The following PSEN1 variants were observed in gnomAD, a reference collection of about 807,000 sequenced individuals.
PSEN1 encodes presenilin-1.
A neutral mutation model predicts 53.5 loss-of-function variants in PSEN1; 15 were observed. The observed-to-expected ratio is 0.28, with a 90% CI of 0.19 to 0.43. The LOEUF is 0.43. Ranked by LOEUF, PSEN1 falls within the 20% of genes least tolerant of loss-of-function variation. The pLI, the probability that PSEN1 is intolerant of heterozygous loss-of-function variation, is 1.00. For synonymous variants in PSEN1, 208 were observed against 209.8 expected, an observed-to-expected ratio of 0.99 and a Z score of 0.08; for missense variants, 387 against 571.2, an observed-to-expected ratio of 0.68 and a Z score of 3.29.
chr14:73,186,998 C>A (rs745897387), intron 6 of PSEN1, 78 bp downstream of exon 6: 1 of 1,157,688 alleles, frequency 8.6e-7, no homozygotes, highest in Non-Finnish European at 1.3e-6. Flanking sequence ...AAGCCATGTA[C>A]TTTGTTGATG....
chr14:73,188,008 A>C (rs1261145340), intron 6 of PSEN1, among the ~76,000 whole-genome samples: 1 of 151,948 alleles, frequency 6.6e-6, no homozygotes, highest in Non-Finnish European at 1.5e-5. Context: ...GGCTCACTGC[A>C]ACCCCCACCT....
intron 5 of PSEN1, among the ~76,000 whole-genome samples, chr14:73,182,553 T>C (rs1164901190): frequency 2.0e-5 from 3 of 151,498 alleles, no homozygotes; most frequent in Non-Finnish European, 2.9e-5. Context: ...GTTAAAAAAA[T>C]TAAAATTAGG....
In PSEN1 at chr14:73,148,112, G is replaced by A. The variant is rs1174226436; in HGVS notation, c.87+6G>A. The A allele has an allele frequency of 1.2e-6, 2 of 1,608,798 alleles. No homozygotes were observed. Among genetic ancestry groups the A allele is most frequent in the Admixed American group, 1.7e-5 (1 of 59,872 alleles). ...GCAATACTGTACGTAGCCAGGTACA[G>A]TGTCAGTCTCTGAAACTGCCTTTGC... is the stretch of plus-strand genomic sequence containing the variant. On this transcript the variant is annotated splice_donor_region_variant and intron_variant, in intron 3 of 11. Transcript: ENST00000324501.
intron 6 of PSEN1, among the ~76,000 whole-genome samples, chr14:73,187,281 A>G (rs188046689): frequency 2.5e-4 from 38 of 152,328 alleles, no homozygotes; most frequent in Admixed American, 2.3e-3. Flanking sequence ...GTTTTTTATC[A>G]GTGACTCTTT....
chr14:73,200,302 C>G (rs1272439212), intron 8 of PSEN1, among the ~76,000 whole-genome samples: 6 of 152,182 alleles, frequency 3.9e-5, no homozygotes, highest in Middle Eastern at 3.4e-3. Context: ...GACAGTCTCT[C>G]TCTGTCACCC....
intron 4 of PSEN1, 114 bp downstream of exon 4, chr14:73,171,161 C>A: frequency 7.6e-7 from 1 of 1,307,986 alleles, no homozygotes; most frequent in Non-Finnish European, 1.1e-6. Context: ...GCTGGAGAGC[C>A]CATCCTCTGT....
At chr14:73,193,602 C>T (rs1898816692) in intron 7 of PSEN1, among the ~76,000 whole-genome samples, 1 of 148,430 alleles carries the variant, frequency 6.7e-6, no homozygotes, top group Admixed American at 6.7e-5. Context: ...GGTAGACACA[C>T]AAAATGCTCA....
At chr14:73,171,985 T>G (rs892015103) in intron 4 of PSEN1, among the ~76,000 whole-genome samples, 1 of 152,234 alleles carries the variant, frequency 6.6e-6, no homozygotes, top group Non-Finnish European at 1.5e-5. Flanking sequence ...TATATTTATT[T>G]ACATTGTTTA....
In PSEN1 at chr14:73,202,991, A is replaced by T. The variant is rs142207090; in HGVS notation, c.869-3395A>T. Among the ~76,000 whole-genome samples the T allele has an allele frequency of 5.6e-3, 558 of 99,480 alleles. 1 individual carries two copies. Among genetic ancestry groups the T allele is most frequent in the Non-Finnish European group, 9.4e-3 (413 of 44,028 alleles). 65.3% of individuals were successfully genotyped at this position (99,480 alleles called of 152,430 possible). ...CCCTTACCTCCTGTGTAGATCAGGT[A>T]GGTTCAAGATTGCATCTGTTCTTTT... On this transcript the variant is annotated intron_variant, in intron 8 of 11. Coordinates refer to ENST00000324501, the MANE Select transcript of PSEN1 (RefSeq NM_000021.4).
intron 1 of PSEN1, among the ~76,000 whole-genome samples, chr14:73,141,980 T>C (rs1042068702): frequency 6.6e-6 from 1 of 151,302 alleles, no homozygotes; most frequent in Admixed American, 6.6e-5. Flanking sequence ...GGCAGGAGAA[T>C]GGCCTGAACC....
At chr14:73,174,947 G>A (rs1898002227) in intron 5 of PSEN1, among the ~76,000 whole-genome samples, 1 of 152,092 alleles carries the variant, frequency 6.6e-6, no homozygotes, top group South Asian at 2.1e-4. Flanking sequence ...CAACTAGCAC[G>A]TTTCAGATTC....
At chr14:73,160,197 T>A (rs8011335) in intron 3 of PSEN1, 14,548 of 162,988 alleles carry the variant, frequency 0.089, 1,522 homozygotes, top group African/African-American at 0.27. Flanking sequence ...CTTAGCATAA[T>A]GTCCTCAAGG....
intron 10 of PSEN1, among the ~76,000 whole-genome samples, chr14:73,215,590 A>T (rs1219923660): frequency 6.6e-6 from 1 of 152,142 alleles, no homozygotes; most frequent in African/African-American, 2.4e-5. Context: ...ATATATGCAA[A>T]TCATATTGAA....
chr14:73,202,468 T>A (rs1343994983), intron 8 of PSEN1, among the ~76,000 whole-genome samples: 204 of 47,786 alleles, frequency 4.3e-3, no homozygotes, highest in South Asian at 6.6e-3. Flanking sequence ...ATATATTTTT[T>A]TTTTTTTTTT....
rs1594997980 is a variant in PSEN1, at chr14:73,170,838, C to G, written c.129C>G (p.Ser43Arg). Reference sequence around the variant, plus strand: ...GGCAGGAGCACAACGACAGACGGAGCCTTGGCCACCCTGAGCCATTATCTA... The same window carrying G: ...GGCAGGAGCACAACGACAGACGGAGGCTTGGCCACCCTGAGCCATTATCTA... Reference protein sequence around the residue: ...RERQEHNDRRSLGHPEPLSNG... With the variant: ...RERQEHNDRRRLGHPEPLSNG... Residue 43 changes from serine to arginine, a missense_variant, in exon 4 of 12, where the codon AGC becomes AGG. Coordinates refer to ENST00000324501, the MANE Select transcript of PSEN1 (RefSeq NM_000021.4). 6.2e-7 allele frequency: 1 copy of G among 1,614,162 alleles called. No individual in the cohort carries two copies. Among genetic ancestry groups the G allele is most frequent in the Non-Finnish European group, 8.5e-7 (1 of 1,180,014 alleles).
At chr14:73,203,577 C>A (rs362369) in intron 8 of PSEN1, among the ~76,000 whole-genome samples, 1 of 152,076 alleles carries the variant, frequency 6.6e-6, no homozygotes, top group South Asian at 2.1e-4. Flanking sequence ...ATAAATAATT[C>A]TTTCATGCAT....
chr14:73,203,650 T>C (rs1366383120), intron 8 of PSEN1, among the ~76,000 whole-genome samples: 1 of 152,230 alleles, frequency 6.6e-6, no homozygotes, highest in East Asian at 1.9e-4. Context: ...ACAGGAAATG[T>C]ATGAGCATTT....
chr14:73,164,080 A>G (rs1489626460), intron 3 of PSEN1, among the ~76,000 whole-genome samples: 1 of 152,224 alleles, frequency 6.6e-6, no homozygotes, highest in East Asian at 1.9e-4. Context: ...AAAGAAGCAG[A>G]TAGATCCAGG....
chr14:73,170,076 CTG>C (rs1372108428), intron 3 of PSEN1, among the ~76,000 whole-genome samples: 1 of 152,208 alleles, frequency 6.6e-6, no homozygotes, highest in Non-Finnish European at 1.5e-5. Flanking sequence ...CATCTGTAAA[CTG>C]TCATGGTGTT....
Sources: gnomAD v4.1 joint callset for allele counts (sites outside exome capture counted in the v4.1 genomes callset) on GRCh38, gnomAD v4.1.1 for gene constraint, MANE v1.5 for transcripts, NCBI Gene and HGNC (gene_info 2026-07-23, HGNC 2026-07-21) for gene names.